The following SEMA5A variants were observed in gnomAD, a reference collection of about 807,000 sequenced individuals.
SEMA5A encodes the protein semaphorin-5A.
In SEMA5A, 55 loss-of-function variants were observed where a neutral mutation model predicts 135.5. That is an observed-to-expected ratio of 0.41 (90% CI 0.33 to 0.51). The LOEUF (loss-of-function observed/expected upper bound fraction) is 0.51. SEMA5A is among the 20% of genes least tolerant of loss of function. The pLI, the probability that SEMA5A is intolerant of heterozygous loss-of-function variation, is 0.37. For synonymous variants in SEMA5A, 580 were observed against 546.5 expected (o/e 1.06, Z -0.85); for missense variants, 1,290 against 1,419.9 (o/e 0.91, Z 1.47).
intron 5 of SEMA5A, among the ~76,000 whole-genome samples, chr5:9,305,708 GTA>G (rs146829804): frequency 0.022 from 3,071 of 139,140 alleles, 136 homozygotes; most frequent in African/African-American, 0.08. Flanking sequence ...GTGTGTGTGC[GTA>G]TATATATATA....
chr5:9,169,339 G>A (rs1743785952), intron 11 of SEMA5A, among the ~76,000 whole-genome samples: 2 of 152,074 alleles, frequency 1.3e-5, no homozygotes, highest in South Asian at 2.1e-4. Context: ...CACCTCTTAA[G>A]TTTCTCCTAT....
At position 9,039,219 on chromosome 5, in the gene SEMA5A, G is replaced by T. The variant is rs1232410758; in HGVS notation, c.*3678C>A. ...GGCAGAGTCCAAGGGTCAGACCCATGGACCTGTGAAGTGGGCAACCGTTTC... is the reference window on the plus strand; with the variant it reads ...GGCAGAGTCCAAGGGTCAGACCCATTGACCTGTGAAGTGGGCAACCGTTTC... On this transcript the variant is annotated 3_prime_UTR_variant, in exon 23 of 23. Transcript: ENST00000382496. 1 of 152,288 alleles carries T rather than the reference G, an allele frequency of 6.6e-6. No individual in the cohort carries two copies. The highest frequency in any genetic ancestry group is 1.5e-5 in the Non-Finnish European group (1 of 68,092). The allele number at this position is 152,288 out of a possible 1,614,324, so 9.4% of individuals were successfully genotyped here.
chr5:9,276,513 G>A (rs1393062320), intron 5 of SEMA5A, among the ~76,000 whole-genome samples: 3 of 152,056 alleles, frequency 2.0e-5, no homozygotes, highest in African/African-American at 7.2e-5. Context: ...ACAATCCTAA[G>A]CAAAAAGAAC....
At chr5:9,101,751 A>G (rs1280623806) in intron 16 of SEMA5A, among the ~76,000 whole-genome samples, 1 of 152,158 alleles carries the variant, frequency 6.6e-6, no homozygotes. Context: ...CTATTCATAT[A>G]GGGTCTGCAT....
At chr5:9,323,053 G>A (rs906004718) in intron 4 of SEMA5A, among the ~76,000 whole-genome samples, 10 of 152,176 alleles carry the variant, frequency 6.6e-5, no homozygotes, top group African/African-American at 1.7e-4. Flanking sequence ...TTGAGCCTAC[G>A]GGTCTGGCTG....
At chr5:9,417,325 T>C (rs1017896692) in intron 2 of SEMA5A, among the ~76,000 whole-genome samples, 2 of 152,256 alleles carry the variant, frequency 1.3e-5, no homozygotes, top group Admixed American at 6.5e-5. Flanking sequence ...CTGGATTTTA[T>C]ACATAGAATA....
intron 8 of SEMA5A, among the ~76,000 whole-genome samples, chr5:9,224,334 A>T (rs1472227130): frequency 2.0e-5 from 3 of 151,914 alleles, no homozygotes; most frequent in African/African-American, 7.3e-5. Context: ...CATAAAATGG[A>T]AGTTAAGAAG....
intron 8 of SEMA5A, among the ~76,000 whole-genome samples, chr5:9,219,132 C>T (rs1299781346): frequency 6.6e-6 from 1 of 152,232 alleles, no homozygotes; most frequent in Non-Finnish European, 1.5e-5. Flanking sequence ...AACTCCAAAG[C>T]TTCTACTGTC....
chr5:9,402,145 T>C (rs1338243571), intron 2 of SEMA5A, among the ~76,000 whole-genome samples: 2 of 152,224 alleles, frequency 1.3e-5, no homozygotes. Flanking sequence ...AGAACATTCA[T>C]GTAATTACTA....
intron 1 of SEMA5A, among the ~76,000 whole-genome samples, chr5:9,526,430 T>G (rs767996895): frequency 2.0e-4 from 31 of 152,200 alleles, no homozygotes; most frequent in Non-Finnish European, 3.5e-4. Context: ...CATTGATTTT[T>G]TCAAAACTAA....
intron 5 of SEMA5A, among the ~76,000 whole-genome samples, chr5:9,296,754 T>A (rs1751352361): frequency 6.6e-6 from 1 of 152,008 alleles, no homozygotes; most frequent in African/African-American, 2.4e-5. Context: ...TCAGGATTTC[T>A]TTATGAAAAA....
intron 9 of SEMA5A, among the ~76,000 whole-genome samples, chr5:9,201,376 AC>A (rs1745694944): frequency 6.6e-6 from 1 of 152,284 alleles, no homozygotes; most frequent in South Asian, 2.1e-4. Flanking sequence ...TCCCTGTCCC[AC>A]CCCCAGACAA....
chr5:9,525,346 A>G lies in SEMA5A; in HGVS notation c.-175+20238T>C, dbSNP rs536977275. Among the ~76,000 whole-genome samples the G allele has an allele frequency of 4.1e-4, 62 of 152,358 alleles. 1 individual carries two copies. The highest frequency in any genetic ancestry group is 6.8e-3 in the Middle Eastern group (2 of 294). On this transcript the variant is annotated intron_variant, in intron 1 of 22. Coordinates refer to ENST00000382496, the MANE Select transcript of SEMA5A (RefSeq NM_003966.3). ...CCTAAAATGACTGGCAGCAACAGTA[A>G]AGGCACCAGGATTTCAGAAGAAGCC... is the stretch of plus-strand genomic sequence containing the variant.
At chr5:9,353,261 G>GA (rs1754267806) in intron 3 of SEMA5A, among the ~76,000 whole-genome samples, 2 of 123,710 alleles carry the variant, frequency 1.6e-5, no homozygotes, top group African/African-American at 7.4e-5. Context: ...GAAGGGAAGG[G>GA]AAGCAAAGGA....
intron 22 of SEMA5A, 112 bp from the exon 23 acceptor site, chr5:9,043,128 A>G: frequency 1.1e-6 from 1 of 923,402 alleles, no homozygotes; most frequent in Non-Finnish European, 1.6e-6. Context: ...AAGACTCCAT[A>G]TTTTAAAATA....
chr5:9,436,927 T>C (rs1758052298), intron 2 of SEMA5A, among the ~76,000 whole-genome samples: 1 of 147,904 alleles, frequency 6.8e-6, no homozygotes, highest in Non-Finnish European at 1.5e-5. Context: ...ACAAGCACGA[T>C]TCGTGGTGGG....
rs192316177 is a variant in SEMA5A at position 9,135,972 on chromosome 5, T to C, written c.1599+532A>G. Among the ~76,000 whole-genome samples, 6 of 152,350 alleles carry C rather than the reference T, an allele frequency of 3.9e-5. No homozygotes were observed. In the East Asian group the frequency reaches 1.2e-3, roughly 29 times the overall value. On this transcript the variant is annotated intron_variant, in intron 13 of 22. Transcript: ENST00000382496. The stretch of plus-strand genomic sequence containing the variant: ...CTCAATACAGGTGAGTTTCTCCTCA[T>C]TCCATAGAGTCCTCTATGGGAACGC...
At chr5:9,370,559 T>C (rs1206989861) in intron 3 of SEMA5A, among the ~76,000 whole-genome samples, 1 of 152,104 alleles carries the variant, frequency 6.6e-6, no homozygotes, top group East Asian at 1.9e-4. Flanking sequence ...AATTAAAGAA[T>C]AAAGCTAGAG....
At chr5:9,054,783 G>A (rs940153322) in intron 18 of SEMA5A, among the ~76,000 whole-genome samples, 11 of 152,258 alleles carry the variant, frequency 7.2e-5, no homozygotes, top group African/African-American at 2.6e-4. Flanking sequence ...AAGCTAACAC[G>A]TCCCATGAGG....
Sources: gnomAD v4.1 joint callset for allele counts (sites outside exome capture counted in the v4.1 genomes callset) on GRCh38, gnomAD v4.1.1 for gene constraint, MANE v1.5 for transcripts, NCBI Gene and HGNC (gene_info 2026-07-23, HGNC 2026-07-21) for gene names.